Variants in RPA3 observed in about 807,000 individuals in gnomAD.
RPA3 encodes the protein replication protein A3, also known as replication protein A 14 kDa subunit.
Under a neutral mutation model 13.7 loss-of-function variants are expected in RPA3, and 24 were observed. That is an observed-to-expected ratio of 1.75 (90% CI 1.27 to 2.46). The LOEUF is 2.46. Ranked by LOEUF, RPA3 falls within the 30% of genes most tolerant of loss-of-function variation. RPA3 has a pLI of 0.00. For synonymous variants in RPA3, 59 were observed against 51.2 expected (o/e 1.15, Z -0.65); for missense variants, 183 against 151.0 (o/e 1.21, Z -1.11).
At chr7:7,682,724 G>A (rs1779944230) in intron 4 of RPA3, among the ~76,000 whole-genome samples, 1 of 152,138 alleles carries the variant, frequency 6.6e-6, no homozygotes, top group Non-Finnish European at 1.5e-5. Flanking sequence ...CCCTATCGCT[G>A]TCTCCTTACC....
intron 2 of RPA3, among the ~76,000 whole-genome samples, chr7:7,693,618 T>C (rs1332851011): frequency 6.6e-6 from 1 of 152,180 alleles, no homozygotes; most frequent in African/African-American, 2.4e-5. Context: ...AATTCTACTA[T>C]ATTTTAAAAA....
intron 2 of RPA3, among the ~76,000 whole-genome samples, chr7:7,692,860 G>A (rs759572302): frequency 4.6e-5 from 7 of 152,158 alleles, no homozygotes; most frequent in Non-Finnish European, 1.0e-4. Context: ...GCCTGCCTCG[G>A]CTTCCCACAG....
At chr7:7,688,334 C>G (rs1780087266) in intron 2 of RPA3, among the ~76,000 whole-genome samples, 1 of 152,094 alleles carries the variant, frequency 6.6e-6, no homozygotes, top group Non-Finnish European at 1.5e-5. Context: ...GGTACCTTTA[C>G]TAGTTTGGCG....
chr7:7,678,511 TATAG>T (rs1289246190), intron 4 of RPA3, among the ~76,000 whole-genome samples: 3 of 139,358 alleles, frequency 2.2e-5, no homozygotes, highest in Non-Finnish European at 4.6e-5. Flanking sequence ...ATATATTTAA[TATAG>T]ATAAATATAT....
chr7:7,638,556 C>G (rs1347223351), intron 6 of RPA3: 1 of 151,600 alleles, frequency 6.6e-6, no homozygotes, highest in African/African-American at 2.5e-5. Context: ...CAAAACAAAA[C>G]AAAACAAAAC....
intron 4 of RPA3, among the ~76,000 whole-genome samples, chr7:7,652,366 T>C (rs1785243342): frequency 6.6e-6 from 1 of 152,230 alleles, no homozygotes; most frequent in South Asian, 2.1e-4. Flanking sequence ...TTTCAGTTGA[T>C]ATAGTTATTA....
chr7:7,638,268 G>A (rs549869257), intron 6 of RPA3: 1 of 254,230 alleles, frequency 3.9e-6, no homozygotes, highest in African/African-American at 2.2e-5. Flanking sequence ...AATATCCTAT[G>A]AGAGGAATCT....
chr7:7,676,623 T>C (rs1288595747), intron 4 of RPA3, among the ~76,000 whole-genome samples: 1 of 152,208 alleles, frequency 6.6e-6, no homozygotes, highest in African/African-American at 2.4e-5. Flanking sequence ...AGAAGGTTGG[T>C]GGTTGTAATA....
At chr7:7,640,081 G>A in intron 5 of RPA3, 2 of 544,814 alleles carry the variant, frequency 3.7e-6, no homozygotes, top group Non-Finnish European at 6.6e-6. Flanking sequence ...CTAGAACGGA[G>A]GCGACGGGCA....
At chr7:7,678,362 G>A (rs1278313982) in intron 4 of RPA3, among the ~76,000 whole-genome samples, 3 of 147,878 alleles carry the variant, frequency 2.0e-5, no homozygotes, top group African/African-American at 7.4e-5. Flanking sequence ...TTTTTAATAT[G>A]CCTATTGGTC....
At chr7:7,691,894 T>C (rs1780180587) in intron 2 of RPA3, among the ~76,000 whole-genome samples, 1 of 152,228 alleles carries the variant, frequency 6.6e-6, no homozygotes. Context: ...AGTAGCTCAG[T>C]TTAGCCTTGA....
In RPA3 at chr7:7,655,823, C is replaced by CTG. The variant is rs537123449; in HGVS notation, c.-757-14649_-757-14648insCA. Reference sequence around the variant, plus strand: ...TAAGTGTATATATTTAGGACAGTCTCTCTCTCTCTCTCTCTTTGTTTTTGT... The same window carrying CTG: ...TAAGTGTATATATTTAGGACAGTCTCTGTCTCTCTCTCTCTCTTTGTTTTTGT... On this transcript the variant is annotated intron_variant, in intron 4 of 7. Coordinates refer to ENST00000223129, the MANE Select transcript of RPA3 (RefSeq NM_002947.5). 3.3e-5 allele frequency among the ~76,000 whole-genome samples: 5 copies of CTG among 151,628 alleles called. No homozygotes were observed. In the East Asian group the frequency reaches 9.7e-4, roughly 29 times the overall value.
rs1326280075 is a variant in RPA3, at chr7:7,665,625, GAACAT to G, written c.-758+20200_-758+20204del. Among the ~76,000 whole-genome samples the G allele has an allele frequency of 8.5e-5, 13 of 152,198 alleles. No homozygotes were observed. In the South Asian group the frequency reaches 2.5e-3, roughly 29 times the overall value. ...AAACAGTCACTGCTGTCAAGATAAT[GAACAT>G]ACCCATCACTTCCAAGAGTTTCCTG... is the stretch of plus-strand genomic sequence containing the variant. On this transcript the variant is annotated intron_variant, in intron 4 of 7. Transcript: ENST00000223129.
At chr7:7,717,996 G>A (rs777049515) in intron 1 of RPA3, among the ~76,000 whole-genome samples, 8 of 152,170 alleles carry the variant, frequency 5.3e-5, no homozygotes, top group Non-Finnish European at 1.0e-4. Flanking sequence ...AGCTTTTAGA[G>A]TTTAGGGAAA....
chr7:7,644,729 A>G (rs112956598), intron 4 of RPA3, among the ~76,000 whole-genome samples: 42 of 151,234 alleles, frequency 2.8e-4, no homozygotes, highest in African/African-American at 1.0e-3. Flanking sequence ...ACCACTACCT[A>G]TTTTCTTTAA....
At chr7:7,703,069 T>C (rs1780503096) in intron 2 of RPA3, among the ~76,000 whole-genome samples, 1 of 152,224 alleles carries the variant, frequency 6.6e-6, no homozygotes, top group Admixed American at 6.5e-5. Context: ...CTGAGTTTAC[T>C]GCCTGCTTTT....
intron 2 of RPA3, among the ~76,000 whole-genome samples, chr7:7,692,010 AT>A (rs1158786561): frequency 6.6e-6 from 1 of 152,208 alleles, no homozygotes; most frequent in Admixed American, 6.5e-5. Context: ...GTGAAGTTAG[AT>A]TGAGAAAAAA....
intron 6 of RPA3, 49 bp from the exon 7 acceptor site, chr7:7,638,021 G>A (rs781573823): frequency 9.6e-6 from 14 of 1,458,928 alleles, no homozygotes; most frequent in Non-Finnish European, 1.3e-5. Context: ...ATTTTCAGTT[G>A]ACAATTATTT....
chr7:7,717,388 C>T (rs576229424), intron 1 of RPA3, among the ~76,000 whole-genome samples: 2 of 152,292 alleles, frequency 1.3e-5, no homozygotes, highest in South Asian at 2.1e-4. Flanking sequence ...AAACTCCACT[C>T]TTAAACTCAC....
Sources: allele counts gnomAD v4.1 joint callset (sites outside exome capture counted in the v4.1 genomes callset), GRCh38; gene constraint gnomAD v4.1.1; transcripts MANE v1.5; gene names NCBI Gene and HGNC (gene_info 2026-07-23, HGNC 2026-07-21).